The following CNBD1 variants were observed in gnomAD, a reference collection of about 807,000 sequenced individuals.
CNBD1 encodes the protein cyclic nucleotide binding domain containing 1, also known as cyclic nucleotide-binding domain-containing protein 1.
CNBD1 carries 71 observed loss-of-function variants against 54.4 expected under a neutral mutation model. The observed-to-expected ratio is 1.30, with a 90% CI of 1.08 to 1.59. The LOEUF (loss-of-function observed/expected upper bound fraction) is 1.59, where lower values mean the gene tolerates loss of function less well. CNBD1 is among the 40% of genes most tolerant of loss of function. CNBD1 has a pLI of 0.00. For missense variants in CNBD1, 659 were observed against 518.0 expected, an observed-to-expected ratio of 1.27 and a Z score of -2.64; for synonymous variants, 182 against 170.7, an observed-to-expected ratio of 1.07 and a Z score of -0.51.
chr8:87,049,583 A>G (rs1384857598), intron 4 of CNBD1, among the ~76,000 whole-genome samples: 1 of 151,950 alleles, frequency 6.6e-6, no homozygotes, highest in Non-Finnish European at 1.5e-5. Flanking sequence ...TCCAATCTGG[A>G]TTTTCTAGGG....
intron 2 of CNBD1, among the ~76,000 whole-genome samples, chr8:86,902,261 G>T (rs969322370): frequency 2.0e-5 from 3 of 152,016 alleles, no homozygotes; most frequent in African/African-American, 4.8e-5. Flanking sequence ...TAGTCACATT[G>T]GGTGTCAGAG....
At chr8:86,895,796 T>C (rs1808839898) in intron 2 of CNBD1, among the ~76,000 whole-genome samples, 1 of 152,172 alleles carries the variant, frequency 6.6e-6, no homozygotes. Context: ...GTTTCTTTGT[T>C]TTCTTATTGT....
chr8:86,995,177 T>C (rs1416371565), intron 4 of CNBD1, among the ~76,000 whole-genome samples: 1 of 152,152 alleles, frequency 6.6e-6, no homozygotes, highest in Non-Finnish European at 1.5e-5. Context: ...TGGACAATTG[T>C]AGGAAACACA....
chr8:87,258,545 C>A (rs1307842324), intron 6 of CNBD1, among the ~76,000 whole-genome samples: 2 of 151,982 alleles, frequency 1.3e-5, no homozygotes, highest in African/African-American at 4.8e-5. Flanking sequence ...CCCTCCTCAG[C>A]CTCCCAAAGT....
chr8:86,932,412 G>T (rs1156532442), intron 3 of CNBD1, among the ~76,000 whole-genome samples: 1 of 152,102 alleles, frequency 6.6e-6, no homozygotes, highest in East Asian at 1.9e-4. Context: ...CTCCTTCTGG[G>T]TGGGGGAGAT....
At chr8:87,272,794 TC>T (rs1159384973) in intron 6 of CNBD1, among the ~76,000 whole-genome samples, 2 of 151,968 alleles carry the variant, frequency 1.3e-5, no homozygotes, top group Non-Finnish European at 2.9e-5. Context: ...AAATGTACAC[TC>T]CATTAAGTTT....
chr8:87,219,484 A>C (rs1028861891), intron 5 of CNBD1, among the ~76,000 whole-genome samples: 4 of 151,976 alleles, frequency 2.6e-5, no homozygotes, highest in Admixed American at 6.6e-5. Context: ...CCACAAATCA[A>C]TGAATACATC....
intron 10 of CNBD1, among the ~76,000 whole-genome samples, chr8:87,355,337 T>C (rs933011154): frequency 2.6e-5 from 4 of 152,176 alleles, no homozygotes; most frequent in African/African-American, 9.7e-5. Flanking sequence ...CTGGCTTTCA[T>C]CTCTAAGGTC....
intron 4 of CNBD1, among the ~76,000 whole-genome samples, chr8:87,156,109 C>T (rs1043517247): frequency 1.3e-5 from 2 of 151,270 alleles, no homozygotes; most frequent in African/African-American, 2.4e-5. Flanking sequence ...ACTTTTAACA[C>T]GAAGCATGGT....
intron 4 of CNBD1, among the ~76,000 whole-genome samples, chr8:87,093,663 A>G (rs1254739861): frequency 6.6e-6 from 1 of 152,202 alleles, no homozygotes; most frequent in African/African-American, 2.4e-5. Flanking sequence ...TATACAATCA[A>G]CCATGACAGA....
intron 5 of CNBD1, among the ~76,000 whole-genome samples, chr8:87,215,602 AAAG>A (rs941216711): frequency 6.6e-5 from 10 of 152,012 alleles, no homozygotes; most frequent in African/African-American, 1.9e-4. Context: ...AAAAAAAAAA[AAAG>A]AGTTTCTTTT....
chr8:87,002,093 T>C (rs1179293108), intron 4 of CNBD1, among the ~76,000 whole-genome samples: 1 of 152,200 alleles, frequency 6.6e-6, no homozygotes, highest in Non-Finnish European at 1.5e-5. Flanking sequence ...CACATACAAA[T>C]GGTTTAGGCT....
At chr8:87,077,412 C>CTTTTTTTTT (rs374931620) in intron 4 of CNBD1, among the ~76,000 whole-genome samples, 12 of 129,548 alleles carry the variant, frequency 9.3e-5, no homozygotes, top group Non-Finnish European at 1.1e-4. Context: ...TCTTCTTCTT[C>CTTTTTTTTT]TTTTTTTTTT....
At chr8:86,879,369 C>T (rs970839149) in intron 1 of CNBD1, among the ~76,000 whole-genome samples, 2 of 152,134 alleles carry the variant, frequency 1.3e-5, no homozygotes, top group Middle Eastern at 3.2e-3. Context: ...TTTAGTGCAA[C>T]TATTCTTGTG....
intron 6 of CNBD1, among the ~76,000 whole-genome samples, chr8:87,268,905 G>T (rs1252110193): frequency 1.3e-5 from 2 of 151,986 alleles, no homozygotes; most frequent in Non-Finnish European, 2.9e-5. Flanking sequence ...TTCTTTTGTT[G>T]TGTAGAAGCT....
chr8:87,375,152 T>A (rs1486633648), intron 10 of CNBD1, among the ~76,000 whole-genome samples: 1 of 151,918 alleles, frequency 6.6e-6, no homozygotes, highest in Non-Finnish European at 1.5e-5. Flanking sequence ...AGTATGGTTT[T>A]GAATAGTACT....
chr8:87,311,541 GAATTTTCAAAGAA>G (rs1809265638), intron 8 of CNBD1, among the ~76,000 whole-genome samples: 1 of 152,000 alleles, frequency 6.6e-6, no homozygotes, highest in South Asian at 2.1e-4. Flanking sequence ...GCAGTGTGCA[GAATTTTCAAAGAA>G]AAAATGGAAC....
chr8:86,986,534 A>T (rs1460641324), intron 4 of CNBD1, among the ~76,000 whole-genome samples: 1 of 152,032 alleles, frequency 6.6e-6, no homozygotes, highest in Non-Finnish European at 1.5e-5. Context: ...CCAGTTGACA[A>T]TTTTTGTTTT....
chr8:87,230,460 G>A (rs1266970671), intron 5 of CNBD1, among the ~76,000 whole-genome samples: 1 of 152,044 alleles, frequency 6.6e-6, no homozygotes, highest in African/African-American at 2.4e-5. Context: ...TGCACGTACA[G>A]CACACACACA....
Sources: allele counts gnomAD v4.1 joint callset (sites outside exome capture counted in the v4.1 genomes callset), GRCh38; gene constraint gnomAD v4.1.1; transcripts MANE v1.5; gene names NCBI Gene and HGNC (gene_info 2026-07-23, HGNC 2026-07-21).